The following LPP variants were observed in gnomAD, a reference collection of about 807,000 sequenced individuals.
The protein encoded by LPP is LIM domain containing preferred translocation partner in lipoma, also known as lipoma-preferred partner.
Under a neutral mutation model 60.4 loss-of-function variants are expected in LPP, and 38 were observed. The observed-to-expected ratio is 0.63, with a 90% CI of 0.49 to 0.83. The LOEUF (loss-of-function observed/expected upper bound fraction) is 0.83. Ranked by LOEUF, LPP falls within the 40% of genes least tolerant of loss-of-function variation. The pLI is 0.00. For missense variants in LPP, 902 were observed against 783.6 expected, an observed-to-expected ratio of 1.15 and a Z score of -1.80; for synonymous variants, 328 against 290.8, an observed-to-expected ratio of 1.13 and a Z score of -1.30.
At chr3:188,840,998 C>T (rs758066437) in intron 9 of LPP, among the ~76,000 whole-genome samples, 4 of 152,078 alleles carry the variant, frequency 2.6e-5, no homozygotes, top group Non-Finnish European at 4.4e-5. Context: ...TTCTTCCTCC[C>T]GGGTCCCAGT....
At chr3:188,558,171 A>T (rs1043706640) in intron 6 of LPP, among the ~76,000 whole-genome samples, 1 of 152,102 alleles carries the variant, frequency 6.6e-6, no homozygotes, top group Non-Finnish European at 1.5e-5. Context: ...CTCATTCTGG[A>T]TAAACTGATA....
At chr3:188,296,005 C>G (rs1425985979) in intron 2 of LPP, among the ~76,000 whole-genome samples, 1 of 152,178 alleles carries the variant, frequency 6.6e-6, no homozygotes, top group Non-Finnish European at 1.5e-5. Flanking sequence ...CCAGAGGCAG[C>G]AAGGTGTGCC....
At chr3:188,611,176 G>A (rs1021868647) in intron 7 of LPP, among the ~76,000 whole-genome samples, 2 of 152,168 alleles carry the variant, frequency 1.3e-5, no homozygotes, top group Non-Finnish European at 2.9e-5. Context: ...GTGAAGAGCT[G>A]GAGAAATCCT....
rs1769354902 is a variant in LPP, at chr3:188,877,226, C to T, written c.*2747C>T. On this transcript the variant is annotated 3_prime_UTR_variant, in exon 12 of 12. Transcript: ENST00000617246. ...TAGTTGCATGAAATTTTGCCTGCAA[C>T]AGAGAGAAAAAGATTGTATTACTTT... is the stretch of plus-strand genomic sequence containing the variant. 1 of 176,102 alleles carries T rather than the reference C, an allele frequency of 5.7e-6. No individual in the cohort carries two copies. Among genetic ancestry groups the T allele is most frequent in the South Asian group, 2.0e-4 (1 of 5,032 alleles). 10.9% of individuals were successfully genotyped at this position (176,102 alleles called of 1,614,324 possible). A position where few individuals can be genotyped will look rare whatever the true frequency, so the allele number is the denominator to read the frequency against.
intron 6 of LPP, among the ~76,000 whole-genome samples, chr3:188,586,216 CAT>C (rs773780054): frequency 2.0e-5 from 3 of 152,086 alleles, no homozygotes; most frequent in Non-Finnish European, 2.9e-5. Context: ...CAGGTGGAAA[CAT>C]ATTGGTTTGA....
In LPP at chr3:188,828,614, CAAAAAAAA is replaced by C. The variant is rs71169022; in HGVS notation, c.1411-37567_1411-37560del. 1.1e-3 allele frequency among the ~76,000 whole-genome samples: 36 copies of C among 31,340 alleles called. 1 individual carries two copies. The South Asian group carries it at 0.015, about 13-fold the overall frequency. The allele number at this position is 31,340 out of a possible 152,430, so 20.6% of individuals were successfully genotyped here. On this transcript the variant is annotated intron_variant, in intron 9 of 11. Transcript: ENST00000617246. ...TGGCAACAAGAGCGAAACTCTGTCT[CAAAAAAAA>C]AAAAAAAAAAAAAAAAAACTCAGCT...
At chr3:188,441,400 G>A (rs7639640) in intron 4 of LPP, among the ~76,000 whole-genome samples, 138,599 of 151,894 alleles carry the variant, frequency 0.91, 64,211 homozygotes, top group East Asian at 0.99. Flanking sequence ...TGTTGCTTAC[G>A]TTTTAAATAA....
intron 1 of LPP, among the ~76,000 whole-genome samples, chr3:188,181,352 CAAAA>C (rs11330297): frequency 9.0e-5 from 10 of 111,564 alleles, no homozygotes; most frequent in Admixed American, 8.9e-5. Context: ...AATTCCGTCT[CAAAA>C]AAAAAAAAAA....
At chr3:188,215,168 TG>T (rs1477223715) in intron 1 of LPP, among the ~76,000 whole-genome samples, 3 of 152,206 alleles carry the variant, frequency 2.0e-5, no homozygotes, top group African/African-American at 7.2e-5. Context: ...TAGCTGGGCC[TG>T]GTTGCATGCA....
Position 188,373,918 on chromosome 3 carries a change from C to T in LPP, c.-9-32194C>T, listed in dbSNP as rs1221298634. Among the ~76,000 whole-genome samples, 3 of 152,236 alleles carry T rather than the reference C, an allele frequency of 2.0e-5. No individual in the cohort carries two copies. In the East Asian group the frequency reaches 5.8e-4, roughly 29 times the overall value. On this transcript the variant is annotated intron_variant, in intron 3 of 11. Coordinates refer to ENST00000617246, the MANE Select transcript of LPP (RefSeq NM_001375462.1). ...AAGGAAGGGATCCAATTTCAGCTTT[C>T]TATATATGGCTGGCCAGTTTCCCCA... is the stretch of plus-strand genomic sequence containing the variant.
chr3:188,782,180 C>T (rs1397137222), intron 9 of LPP, among the ~76,000 whole-genome samples: 2 of 152,030 alleles, frequency 1.3e-5, no homozygotes, highest in East Asian at 3.8e-4. Flanking sequence ...ATACTTTTTT[C>T]AACTAAAGGG....
intron 8 of LPP, among the ~76,000 whole-genome samples, chr3:188,740,692 A>G (rs941191300): frequency 6.6e-6 from 1 of 151,968 alleles, no homozygotes; most frequent in Non-Finnish European, 1.5e-5. Flanking sequence ...AGTTAAACTT[A>G]TTTGATGTGT....
intron 2 of LPP, among the ~76,000 whole-genome samples, chr3:188,233,613 A>G (rs1262983812): frequency 3.3e-5 from 5 of 152,204 alleles, no homozygotes; most frequent in South Asian, 2.1e-4. Context: ...GTAATCTAAG[A>G]ATGACATGAA....
chr3:188,448,605 C>T (rs890046514), intron 4 of LPP, among the ~76,000 whole-genome samples: 2 of 152,062 alleles, frequency 1.3e-5, no homozygotes, highest in African/African-American at 4.8e-5. Context: ...CGATCTCTGT[C>T]AGTTTTGCCT....
chr3:188,887,592 G>A lies in LPP; in HGVS notation c.*13113G>A, dbSNP rs141146701. The stretch of plus-strand genomic sequence containing the variant: ...CTTTGAGCTTAGTTTTTAGAATTGT[G>A]TCAAATACATCAACATATCAGGATT... On this transcript the variant is annotated 3_prime_UTR_variant, in exon 12 of 12. Transcript: ENST00000617246. The A allele has an allele frequency of 3.2e-4, 70 of 215,484 alleles. No individual in the cohort carries two copies. In the East Asian group the frequency reaches 4.7e-3, roughly 14 times the overall value. The allele number at this position is 215,484 out of a possible 1,614,324, so 13.3% of individuals were successfully genotyped here.
rs549993212 is a variant in LPP at position 188,404,700 on chromosome 3, G to A, written c.-9-1412G>A. Among the ~76,000 whole-genome samples the A allele has an allele frequency of 5.3e-5, 8 of 152,282 alleles. No homozygotes were observed. The South Asian group carries it at 1.7e-3, about 32-fold the overall frequency. ...TCTCTCTATTACTATGCCATGTACT[G>A]AGGCCTTTGATTTCTGTGTTCTGAT... On this transcript the variant is annotated intron_variant, in intron 3 of 11. Transcript: ENST00000617246.
chr3:188,174,754 C>T (rs1224496503), intron 1 of LPP, among the ~76,000 whole-genome samples: 1 of 152,190 alleles, frequency 6.6e-6, no homozygotes, highest in Non-Finnish European at 1.5e-5. Context: ...CCATCATTAC[C>T]TGTTTGAATC....
At chr3:188,202,703 C>T (rs899798945) in intron 1 of LPP, among the ~76,000 whole-genome samples, 15 of 152,224 alleles carry the variant, frequency 9.9e-5, no homozygotes, top group African/African-American at 3.6e-4. Context: ...TCAGGTTGGT[C>T]CCTTTTCCTT....
intron 1 of LPP, among the ~76,000 whole-genome samples, chr3:188,158,392 G>T (rs115567633): frequency 0.02 from 2,991 of 152,274 alleles, 46 homozygotes; most frequent in South Asian, 0.033. Flanking sequence ...AGGGCAAGGG[G>T]AAGGGTGGAA....
Sources: gnomAD v4.1 joint callset for allele counts (sites outside exome capture counted in the v4.1 genomes callset) on GRCh38, gnomAD v4.1.1 for gene constraint, MANE v1.5 for transcripts, NCBI Gene and HGNC (gene_info 2026-07-23, HGNC 2026-07-21) for gene names.